MFSD6: variants seen among roughly 807,000 people sequenced by gnomAD.
The protein encoded by MFSD6 is major facilitator superfamily domain-containing protein 6.
In MFSD6, 26 loss-of-function variants were observed where a neutral mutation model predicts 56.3. That is an observed-to-expected ratio of 0.46 (90% CI 0.34 to 0.64). The LOEUF is 0.64. Ranked by LOEUF, MFSD6 falls within the 30% of genes least tolerant of loss-of-function variation. The probability of loss-of-function intolerance (pLI) is 0.01; values close to 1 mark genes in which losing one functional copy is unlikely to be tolerated. For synonymous variants in MFSD6, 331 were observed against 366.9 expected, an observed-to-expected ratio of 0.90 and a Z score of 1.12; for missense variants, 750 against 986.2, an observed-to-expected ratio of 0.76 and a Z score of 3.21.
chr2:190,421,677 T>A (rs767925229), intron 2 of MFSD6, among the ~76,000 whole-genome samples: 3 of 151,966 alleles, frequency 2.0e-5, no homozygotes, highest in Non-Finnish European at 2.9e-5. Flanking sequence ...CACCTCAGCA[T>A]CCCAAGTAGC....
At chr2:190,486,657 T>C (rs2125227504) in intron 4 of MFSD6, among the ~76,000 whole-genome samples, 1 of 152,338 alleles carries the variant, frequency 6.6e-6, no homozygotes, top group East Asian at 1.9e-4. Flanking sequence ...GGAGAATAAA[T>C]TTAGTCCCTG....
Position 190,417,544 on chromosome 2 carries a change from A to T in MFSD6, c.-54+2131A>T, listed in dbSNP as rs1559101335. 6.6e-6 allele frequency among the ~76,000 whole-genome samples: 1 copy of T among 152,122 alleles called. No individual in the cohort carries two copies. Among genetic ancestry groups the T allele is most frequent in the African/African-American group, 2.4e-5 (1 of 41,418 alleles). ...CTACCTACTAGTGGGTGCTCGATCT[A>T]TAGCTGTAGGGTTTTTTTGGTTGTT... On this transcript the variant is annotated intron_variant, in intron 2 of 7. Coordinates refer to ENST00000392328, the MANE Select transcript of MFSD6 (RefSeq NM_017694.4). The surrounding 1 kb of genome is among the most constrained non-coding windows in gnomAD (Gnocchi z 5.7).
chr2:190,435,147 G>A (rs567665274), intron 2 of MFSD6, among the ~76,000 whole-genome samples: 4 of 152,218 alleles, frequency 2.6e-5, no homozygotes, highest in Non-Finnish European at 4.4e-5. Flanking sequence ...CCATCGTAGA[G>A]AGCATGTGTC....
chr2:190,408,316 C>G (rs1462539611), upstream of MFSD6: 2 of 94,312 alleles, frequency 2.1e-5, no homozygotes. Context: ...CCACCCGGTC[C>G]GCATCCCTCG....
At chr2:190,446,652 C>T (rs1001037492) in intron 3 of MFSD6, among the ~76,000 whole-genome samples, 11 of 152,116 alleles carry the variant, frequency 7.2e-5, no homozygotes, top group African/African-American at 2.7e-4. Context: ...GAAACATGGA[C>T]TACGAACTAG....
At chr2:190,477,032 C>T (rs1688364221) in intron 4 of MFSD6, among the ~76,000 whole-genome samples, 2 of 122,842 alleles carry the variant, frequency 1.6e-5, no homozygotes, top group East Asian at 4.7e-4. Context: ...GGAAGGGGAA[C>T]ATCACACACT....
At position 190,491,549 on chromosome 2, in the gene MFSD6, GA is replaced by G; in HGVS notation, c.1891+1685del. On this transcript the variant is annotated intron_variant, in intron 6 of 7. Transcript: ENST00000392328. The surrounding 1 kb of genome is among the most constrained non-coding windows in gnomAD (Gnocchi z 4.2). ...AGCCCTGCTGGGTGGGCTAGATCCA[GA>G]AGAGAAATGACAATCACTACAGCCT... Among the ~76,000 whole-genome samples, 1 of 152,192 alleles carries G rather than the reference GA, an allele frequency of 6.6e-6. No homozygotes were observed. The highest frequency in any genetic ancestry group is 2.1e-4 in the South Asian group (1 of 4,830).
intron 3 of MFSD6, among the ~76,000 whole-genome samples, chr2:190,450,712 T>TA (rs1177851705): frequency 6.6e-6 from 1 of 152,042 alleles, no homozygotes; most frequent in Non-Finnish European, 1.5e-5. Context: ...AGGCTAGTCT[T>TA]AAACTCCTAA....
At chr2:190,408,137 C>T (rs1341264765), upstream of MFSD6, among the ~76,000 whole-genome samples, 2 of 151,820 alleles carry the variant, frequency 1.3e-5, no homozygotes, top group South Asian at 2.1e-4. Flanking sequence ...GGAGGCGGAG[C>T]GCTGCACCTG....
Position 190,438,799 on chromosome 2 carries a change from A to G in MFSD6, c.1532+1238A>G, listed in dbSNP as rs72905231. ...AAATAGACAATGACAAGATTTGACA[A>G]TCCTTTATTTCCTTTCTATTAACTG... On this transcript the variant is annotated intron_variant, in intron 3 of 7. Transcript: ENST00000392328. The surrounding 1 kb of genome is among the most constrained non-coding windows in gnomAD (Gnocchi z 5.2). Among the ~76,000 whole-genome samples the G allele has an allele frequency of 0.23, 35,005 of 152,234 alleles. 4,961 individuals are homozygous for G. The highest frequency in any genetic ancestry group is 0.33 in the South Asian group (1,596 of 4,828).
Position 190,416,587 on chromosome 2 carries a change from A to G in MFSD6, c.-54+1174A>G, listed in dbSNP as rs575457348. On this transcript the variant is annotated intron_variant, in intron 2 of 7. Coordinates refer to ENST00000392328, the MANE Select transcript of MFSD6 (RefSeq NM_017694.4). This position sits in a 1 kb window ranked among gnomAD's most constrained non-coding sequence, Gnocchi z 4.1. ...AAATTCATGAGCACAGATGGATGAAATACTAGCCTAGTTCAAGGGTGGTGC... is the reference window on the plus strand; with the variant it reads ...AAATTCATGAGCACAGATGGATGAAGTACTAGCCTAGTTCAAGGGTGGTGC... Among the ~76,000 whole-genome samples the G allele has an allele frequency of 3.5e-4, 54 of 152,336 alleles. No individual in the cohort carries two copies. Among genetic ancestry groups the G allele is most frequent in the African/African-American group, 1.2e-3 (50 of 41,572 alleles).
At chr2:190,430,079 A>C (rs1685916308) in intron 2 of MFSD6, among the ~76,000 whole-genome samples, 1 of 149,098 alleles carries the variant, frequency 6.7e-6, no homozygotes, top group Non-Finnish European at 1.5e-5. Flanking sequence ...TTCCACCTAT[A>C]AGTGAGAACA....
intron 4 of MFSD6, among the ~76,000 whole-genome samples, chr2:190,475,725 C>T (rs193090234): frequency 0.023 from 3,456 of 152,026 alleles, 132 homozygotes; most frequent in African/African-American, 0.079. Context: ...AAAGTTCATA[C>T]GGAACCAAAA....
In MFSD6 at chr2:190,423,780, G is replaced by A. The variant is rs1455838231; in HGVS notation, c.-54+8367G>A. On this transcript the variant is annotated intron_variant, in intron 2 of 7. Coordinates refer to ENST00000392328, the MANE Select transcript of MFSD6 (RefSeq NM_017694.4). The surrounding 1 kb of genome is among the most constrained non-coding windows in gnomAD (Gnocchi z 4.3). ...ACAGTATATGAGTAATTTGGTAGTT[G>A]TGCCTCCTTATCAGAATTCAGTGTT... Among the ~76,000 whole-genome samples the A allele has an allele frequency of 1.3e-5, 2 of 152,280 alleles. No homozygotes were observed. The highest frequency in any genetic ancestry group is 3.4e-3 in the Middle Eastern group (1 of 294).
rs140103794 is a variant in MFSD6, at chr2:190,438,520, A to C, written c.1532+959A>C. Among the ~76,000 whole-genome samples, 1,584 of 152,304 alleles carry C rather than the reference A, an allele frequency of 0.01. 32 individuals are homozygous for C. Among genetic ancestry groups the C allele is most frequent in the African/African-American group, 0.035 (1,458 of 41,538 alleles). On this transcript the variant is annotated intron_variant, in intron 3 of 7. Transcript: ENST00000392328. The surrounding 1 kb of genome is among the most constrained non-coding windows in gnomAD (Gnocchi z 5.2). ...AACAGAGTGAGACTCCATCTAAAAA[A>C]AGAGAACACCCTGTAAGTGCCTAGT...
intron 4 of MFSD6, among the ~76,000 whole-genome samples, chr2:190,477,779 G>A (rs573200774): frequency 2.6e-5 from 4 of 152,304 alleles, no homozygotes. Flanking sequence ...AAATGTGCTA[G>A]GTAGCAGATA....
In MFSD6 at chr2:190,418,185, T is replaced by C. The variant is rs1424155181; in HGVS notation, c.-54+2772T>C. 6.6e-6 allele frequency among the ~76,000 whole-genome samples: 1 copy of C among 152,202 alleles called. No homozygotes were observed. Among genetic ancestry groups the C allele is most frequent in the Non-Finnish European group, 1.5e-5 (1 of 68,030 alleles). Reference sequence around the variant, plus strand: ...GACTTTGGGCTGGTTATTTGCCTTCTCTGTGCCACAGTTTCCTCATTGGTA... The same window carrying C: ...GACTTTGGGCTGGTTATTTGCCTTCCCTGTGCCACAGTTTCCTCATTGGTA... On this transcript the variant is annotated intron_variant, in intron 2 of 7. Transcript: ENST00000392328. The surrounding 1 kb of genome is among the most constrained non-coding windows in gnomAD (Gnocchi z 4.1).
chr2:190,496,489 C>T lies in MFSD6; in HGVS notation c.1892-950C>T, dbSNP rs780489517. Among the ~76,000 whole-genome samples the T allele has an allele frequency of 4.6e-5, 7 of 152,058 alleles. No individual in the cohort carries two copies. The highest frequency in any genetic ancestry group is 7.4e-5 in the Non-Finnish European group (5 of 68,014). ...GCAATCCCACTACTGGGTATCTACC[C>T]AGAGGAAAAGAAGTCATTATATGAA... is the stretch of plus-strand genomic sequence containing the variant. On this transcript the variant is annotated intron_variant, in intron 6 of 7. Transcript: ENST00000392328. The surrounding 1 kb of genome is among the most constrained non-coding windows in gnomAD (Gnocchi z 4.7).
In MFSD6 at chr2:190,465,731, G is replaced by A. The variant is rs1166040420; in HGVS notation, c.1533-4027G>A. 6.6e-6 allele frequency among the ~76,000 whole-genome samples: 1 copy of A among 152,064 alleles called. No individual in the cohort carries two copies. Among genetic ancestry groups the A allele is most frequent in the Non-Finnish European group, 1.5e-5 (1 of 68,004 alleles). On this transcript the variant is annotated intron_variant, in intron 3 of 7. Transcript: ENST00000392328. The surrounding 1 kb of genome is among the most constrained non-coding windows in gnomAD (Gnocchi z 4.6). ...TTTATGGCCGGGCGTGGTGGCTCAC[G>A]CCTATAATCCCAGCACTTTGGGAGG...
Sources: gnomAD v4.1 joint callset for allele counts (sites outside exome capture counted in the v4.1 genomes callset) on GRCh38, gnomAD v4.1.1 for gene constraint, Gnocchi (gnomAD v3.1) non-coding constraint, MANE v1.5 for transcripts, NCBI Gene and HGNC (gene_info 2026-07-23, HGNC 2026-07-21) for gene names.